LRMDA: variants seen among roughly 807,000 people sequenced by gnomAD.
LRMDA encodes leucine-rich melanocyte differentiation-associated protein.
A neutral mutation model predicts 29.8 loss-of-function variants in LRMDA; 18 were observed. The ratio of observed to expected loss-of-function variants is 0.60; its 90% CI spans 0.42 to 0.90. LRMDA has a LOEUF of 0.90. Among genes scored for constraint, LRMDA ranks in the 40% least tolerant of loss-of-function variants. The pLI is 0.00. For missense variants in LRMDA, 273 were observed against 273.9 expected (o/e 1.00, Z 0.02); for synonymous variants, 125 against 109.4 (o/e 1.14, Z -0.89).
At chr10:76,506,395 C>T (rs773198389) in intron 6 of LRMDA, among the ~76,000 whole-genome samples, 2 of 152,124 alleles carry the variant, frequency 1.3e-5, no homozygotes, top group Non-Finnish European at 2.9e-5. Flanking sequence ...ACACCAGCTC[C>T]ATTCATAGCT....
chr10:75,617,637 C>A (rs1483867563), intron 2 of LRMDA, among the ~76,000 whole-genome samples: 1 of 152,188 alleles, frequency 6.6e-6, no homozygotes, highest in Non-Finnish European at 1.5e-5. Flanking sequence ...ACTTCTCTGT[C>A]TACACACTCT....
intron 2 of LRMDA, among the ~76,000 whole-genome samples, chr10:75,537,077 A>G (rs936385367): frequency 1.3e-5 from 2 of 152,194 alleles, no homozygotes; most frequent in African/African-American, 2.4e-5. Context: ...GTTCCGGTCA[A>G]GAGTGAACTT....
At chr10:76,450,738 G>A (rs1205700035) in intron 6 of LRMDA, among the ~76,000 whole-genome samples, 1 of 151,806 alleles carries the variant, frequency 6.6e-6, no homozygotes, top group Non-Finnish European at 1.5e-5. Context: ...TTTTACCATT[G>A]GATTTTGGGT....
rs528141363 is a variant in LRMDA at position 75,534,217 on chromosome 10, A to G, written c.131+95723A>G. Among the ~76,000 whole-genome samples, 40 of 152,330 alleles carry G rather than the reference A, an allele frequency of 2.6e-4. 1 individual carries two copies. The South Asian group carries it at 8.1e-3, about 31-fold the overall frequency. The stretch of plus-strand genomic sequence containing the variant: ...GCAATTGTGAGGTGCTTATAATGCA[A>G]ACCTGTGTCTGTTTGAGATTCAATT... On this transcript the variant is annotated intron_variant, in intron 2 of 6. Transcript: ENST00000611255.
chr10:75,723,273 C>A (rs926381772), intron 2 of LRMDA, among the ~76,000 whole-genome samples: 10 of 152,274 alleles, frequency 6.6e-5, no homozygotes, highest in African/African-American at 2.4e-4. Flanking sequence ...TGGAATCCCA[C>A]CATGAATGGA....
chr10:75,868,554 A>T (rs1489864507), intron 2 of LRMDA, among the ~76,000 whole-genome samples: 1 of 152,234 alleles, frequency 6.6e-6, no homozygotes. Flanking sequence ...GTATTAAAGC[A>T]TTATGTCTTT....
intron 2 of LRMDA, among the ~76,000 whole-genome samples, chr10:75,845,965 C>T (rs1021285376): frequency 3.3e-5 from 5 of 152,254 alleles, no homozygotes; most frequent in South Asian, 2.1e-4. Flanking sequence ...CACAACTTGG[C>T]AGCCTAGCAC....
chr10:76,379,190 T>TGTGTGTGTGTGTGTGTGTGTCC, intron 6 of LRMDA, among the ~76,000 whole-genome samples: 1 of 151,516 alleles, frequency 6.6e-6, no homozygotes, highest in Non-Finnish European at 1.5e-5. Context: ...TGTGTGTGTG[T>TGTGTGTGTGTGTGTGTGTGTCC]GTGTGTGTGT....
intron 2 of LRMDA, among the ~76,000 whole-genome samples, chr10:75,965,530 A>G (rs1846843415): frequency 6.6e-6 from 1 of 152,172 alleles, no homozygotes; most frequent in Non-Finnish European, 1.5e-5. Flanking sequence ...ATGGCATCCC[A>G]ATTCCATGAG....
At chr10:76,441,700 C>T (rs555602636) in intron 6 of LRMDA, among the ~76,000 whole-genome samples, 34 of 152,182 alleles carry the variant, frequency 2.2e-4, no homozygotes, top group Non-Finnish European at 4.1e-4. Context: ...CTCTGCCCCC[C>T]TCTCCTCTCC....
At chr10:75,755,054 G>T (rs1471589359) in intron 2 of LRMDA, among the ~76,000 whole-genome samples, 75 of 148,508 alleles carry the variant, frequency 5.1e-4, no homozygotes, top group Non-Finnish European at 6.4e-4. Flanking sequence ...TTTTTTTTTT[G>T]TTTGTTTTGT....
chr10:76,006,679 A>C (rs1847668570), intron 2 of LRMDA, among the ~76,000 whole-genome samples: 1 of 152,210 alleles, frequency 6.6e-6, no homozygotes, highest in South Asian at 2.1e-4. Context: ...CCCATTAGTC[A>C]GTCGCTCTGA....
chr10:75,467,084 A>T (rs752341621), intron 2 of LRMDA, among the ~76,000 whole-genome samples: 1 of 152,176 alleles, frequency 6.6e-6, no homozygotes, highest in African/African-American at 2.4e-5. Context: ...GGTGACTGCA[A>T]CCCAGCCAAG....
intron 2 of LRMDA, among the ~76,000 whole-genome samples, chr10:75,747,496 A>G (rs1034488480): frequency 6.6e-6 from 1 of 152,222 alleles, no homozygotes; most frequent in Non-Finnish European, 1.5e-5. Context: ...GGAAGAAGAA[A>G]TAACACAATT....
intron 5 of LRMDA, among the ~76,000 whole-genome samples, chr10:76,265,855 G>T (rs1485087904): frequency 6.6e-6 from 1 of 152,204 alleles, no homozygotes; most frequent in Non-Finnish European, 1.5e-5. Flanking sequence ...GTGAGGGATA[G>T]TATTCAGGAA....
intron 2 of LRMDA, among the ~76,000 whole-genome samples, chr10:75,933,979 A>G (rs1445194268): frequency 1.3e-5 from 2 of 152,182 alleles, no homozygotes; most frequent in African/African-American, 4.8e-5. Flanking sequence ...CAAGTACATC[A>G]GGAAATGTCT....
intron 6 of LRMDA, among the ~76,000 whole-genome samples, chr10:76,515,558 TAC>T (rs1843051805): frequency 6.6e-6 from 1 of 152,014 alleles, no homozygotes; most frequent in Admixed American, 6.6e-5. Flanking sequence ...CGGGCTGGAG[TAC>T]AGTGGCATGA....
intron 2 of LRMDA, among the ~76,000 whole-genome samples, chr10:75,528,693 T>C (rs1307564660): frequency 1.3e-5 from 2 of 152,110 alleles, no homozygotes; most frequent in Admixed American, 6.5e-5. Context: ...GGCAGAAATT[T>C]AAGGATTGCT....
At chr10:76,031,850 T>C (rs747239322) in intron 2 of LRMDA, among the ~76,000 whole-genome samples, 2 of 152,326 alleles carry the variant, frequency 1.3e-5, no homozygotes, top group African/African-American at 2.4e-5. Flanking sequence ...GGGCCAAATA[T>C]AGTCCCAAAG....
Sources: gnomAD v4.1 joint callset for allele counts (sites outside exome capture counted in the v4.1 genomes callset) on GRCh38, gnomAD v4.1.1 for gene constraint, MANE v1.5 for transcripts, NCBI Gene and HGNC (gene_info 2026-07-23, HGNC 2026-07-21) for gene names.